Variants in SERPINA12 observed in about 807,000 individuals in gnomAD.
SERPINA12 encodes serpin A12.
Under a neutral mutation model 25.9 loss-of-function variants are expected in SERPINA12, and 21 were observed. The ratio of observed to expected loss-of-function variants is 0.81; its 90% confidence interval spans 0.58 to 1.17. The LOEUF is 1.17. Among genes scored for constraint, SERPINA12 ranks in the 50% most tolerant of loss-of-function variants. SERPINA12 has a pLI of 0.00. For missense variants in SERPINA12, 562 were observed against 508.3 expected, an observed-to-expected ratio of 1.11 and a Z score of -1.02; for synonymous variants, 220 against 196.0, an observed-to-expected ratio of 1.12 and a Z score of -1.02.
At position 94,505,689 on chromosome 14, in the gene SERPINA12, G is replaced by A. The variant is rs182623344; in HGVS notation, c.-34+3653C>T. 2.4e-4 allele frequency among the ~76,000 whole-genome samples: 37 copies of A among 152,318 alleles called. 1 individual carries two copies. Among genetic ancestry groups the A allele is most frequent in the African/African-American group, 8.9e-4 (37 of 41,568 alleles). On this transcript the variant is annotated intron_variant, in intron 1 of 4. Transcript: ENST00000677451. ...GCCCTCTAATGACAGGGTGAGGCCT[G>A]TGTGAGTCTGAGGGCCATGCCTCCC... is the stretch of plus-strand genomic sequence containing the variant.
Position 94,497,997 on chromosome 14 carries a change from A to G in SERPINA12, c.401T>C (p.Ile134Thr), listed in dbSNP as rs1364849148. Residue 134 changes from isoleucine to threonine, a missense_variant, in exon 2 of 5, where the codon ATT (isoleucine) becomes ACT (threonine). By Grantham distance (89) the Ile-to-Thr change is moderately conservative. Coordinates refer to ENST00000677451, the MANE Select transcript of SERPINA12 (RefSeq NM_001382267.1). Reference protein sequence around the residue: ...TQKTQDLKLSIGNTLFIDQRL... With the variant: ...TQKTQDLKLSTGNTLFIDQRL... Reference sequence around the variant, plus strand: ...CTGGTCAATGAACAGCGTGTTCCCAATGCTCAGTTTGAGGTCCTGGGTCTT... The same window carrying G: ...CTGGTCAATGAACAGCGTGTTCCCAGTGCTCAGTTTGAGGTCCTGGGTCTT... 1 of 1,614,126 alleles carries G rather than the reference A, an allele frequency of 6.2e-7. No individual in the cohort carries two copies.
intron 3 of SERPINA12, among the ~76,000 whole-genome samples, chr14:94,496,166 G>A (rs1037724896): frequency 6.6e-6 from 1 of 152,100 alleles, no homozygotes; most frequent in Admixed American, 6.5e-5. Context: ...CATCTACTGC[G>A]CCCTCACAGT....
intron 1 of SERPINA12, among the ~76,000 whole-genome samples, chr14:94,502,453 G>C (rs1003429590): frequency 1.3e-5 from 2 of 152,166 alleles, no homozygotes; most frequent in Non-Finnish European, 2.9e-5. Context: ...TGTGACAGCA[G>C]ACTCAACAAT....
chr14:94,497,955 C>A lies in SERPINA12; in HGVS notation c.443G>T (p.Arg148Leu). ...GTTCTTGGCATCTTCCAAAAACTTA[C>A]GCTGTGGCTGCAGCCTCTGGTCAAT... Reference protein sequence around the residue: ...LFIDQRLQPQRKFLEDAKNFY... With the variant: ...LFIDQRLQPQLKFLEDAKNFY... Residue 148 changes from arginine (R) to leucine (L), a missense_variant, in exon 2 of 5, where the codon CGT becomes CTT. Arg to Leu is a moderately radical substitution (Grantham distance 102). Transcript: ENST00000677451. The A allele has an allele frequency of 6.2e-7, 1 of 1,614,166 alleles. No individual in the cohort carries two copies. The highest frequency in any genetic ancestry group is 1.3e-5 in the African/African-American group (1 of 75,030).
chr14:94,496,232 C>T, intron 3 of SERPINA12, 141 bp downstream of exon 3: 1 of 804,020 alleles, frequency 1.2e-6, no homozygotes, highest in East Asian at 2.5e-5. Context: ...ATGATTTGTT[C>T]CCCAGTCTAA....
At chr14:94,510,295 A>T (rs1901075919), upstream of SERPINA12, 1 of 983,502 alleles carries the variant, frequency 1.0e-6, no homozygotes, top group African/African-American at 1.7e-5. Context: ...TTCAAGCCAG[A>T]TCTAGATGCT....
chr14:94,509,912 A>G, upstream of SERPINA12: 8 of 892,364 alleles, frequency 9.0e-6, no homozygotes, highest in South Asian at 4.1e-4. Flanking sequence ...ACAGGACAGG[A>G]ATGGGTGTGG....
intron 1 of SERPINA12, among the ~76,000 whole-genome samples, chr14:94,506,712 G>A (rs974872230): frequency 6.6e-6 from 1 of 152,202 alleles, no homozygotes; most frequent in Non-Finnish European, 1.5e-5. Context: ...AGGAGCTTTA[G>A]AAATACCTAT....
chr14:94,510,165 A>G, upstream of SERPINA12: 1 of 985,438 alleles, frequency 1.0e-6, no homozygotes, highest in African/African-American at 1.7e-5. Context: ...TCACCTGTAC[A>G]ATGGGCAATA....
chr14:94,503,656 A>G (rs1900825161), intron 1 of SERPINA12, among the ~76,000 whole-genome samples: 1 of 152,218 alleles, frequency 6.6e-6, no homozygotes, highest in South Asian at 2.1e-4. Flanking sequence ...AAAGGAAGAG[A>G]TTGTGGTTGC....
intron 3 of SERPINA12, among the ~76,000 whole-genome samples, chr14:94,492,119 G>A (rs1900202121): frequency 6.6e-6 from 1 of 152,136 alleles, no homozygotes; most frequent in South Asian, 2.1e-4. Context: ...TTAAGGAGGT[G>A]GGGACAGAAA....
upstream of SERPINA12, among the ~76,000 whole-genome samples, chr14:94,512,400 G>A (rs1208250574): frequency 6.6e-6 from 1 of 152,196 alleles, no homozygotes; most frequent in Non-Finnish European, 1.5e-5. Flanking sequence ...CAGATTGTTA[G>A]CAGTGCTATC....
intron 4 of SERPINA12, 112 bp from the exon 5 acceptor site, chr14:94,487,606 A>G: frequency 1.2e-6 from 1 of 802,428 alleles, no homozygotes; most frequent in Non-Finnish European, 1.9e-6. Flanking sequence ...GCCATCCAGC[A>G]CAGCAGTAAC....
chr14:94,513,610 G>A (rs916839463), upstream of SERPINA12, among the ~76,000 whole-genome samples: 1 of 152,164 alleles, frequency 6.6e-6, no homozygotes, highest in African/African-American at 2.4e-5. Flanking sequence ...ACTGTAAAAG[G>A]TGTGGTGTAA....
intron 4 of SERPINA12, 112 bp downstream of exon 4, chr14:94,489,508 C>A: frequency 7.8e-7 from 1 of 1,280,962 alleles, no homozygotes; most frequent in Admixed American, 2.2e-5. Context: ...ATGCCCGCCC[C>A]GACTGGTGGG....
chr14:94,492,453 G>A lies in SERPINA12; in HGVS notation c.906-2686C>T, dbSNP rs747123249. ...CTGCCTGCACAGAAGGCAGACACCT[G>A]CTTTGTCTTCTTGCATAGAAGCCAC... On this transcript the variant is annotated intron_variant, in intron 3 of 4. Transcript: ENST00000677451. Among the ~76,000 whole-genome samples, 3 of 152,318 alleles carry A rather than the reference G, an allele frequency of 2.0e-5. No homozygotes were observed. In the South Asian group the frequency reaches 6.2e-4, roughly 32 times the overall value.
At chr14:94,509,972 A>C (rs1258368999), upstream of SERPINA12, 1 of 985,234 alleles carries the variant, frequency 1.0e-6, no homozygotes, top group Non-Finnish European at 1.2e-6. Context: ...AGATGTTCAC[A>C]TGGCCCTCTC....
At chr14:94,490,214 C>A (rs1283134767) in intron 3 of SERPINA12, among the ~76,000 whole-genome samples, 1 of 152,164 alleles carries the variant, frequency 6.6e-6, no homozygotes, top group Non-Finnish European at 1.5e-5. Context: ...TGTGACCTTC[C>A]CTCTCTAAGT....
intron 1 of SERPINA12, among the ~76,000 whole-genome samples, chr14:94,499,045 C>T (rs1181860161): frequency 6.6e-6 from 1 of 152,168 alleles, no homozygotes; most frequent in Non-Finnish European, 1.5e-5. Context: ...GTTTGCTACC[C>T]ACTTCCATGT....
Sources: gnomAD v4.1 joint callset for allele counts (sites outside exome capture counted in the v4.1 genomes callset) on GRCh38, gnomAD v4.1.1 for gene constraint, MANE v1.5 for transcripts, NCBI Gene and HGNC (gene_info 2026-07-23, HGNC 2026-07-21) for gene names.